NPBWR1: variants seen among roughly 807,000 people sequenced by gnomAD.
NPBWR1 encodes the protein neuropeptides B/W receptor type 1.
A neutral mutation model predicts 2.8 loss-of-function variants in NPBWR1; 4 were observed. That is an observed-to-expected ratio of 1.44 (90% CI 0.71 to 3.29). The LOEUF (loss-of-function observed/expected upper bound fraction) is 3.29. Ranked by LOEUF, NPBWR1 falls within the 30% of genes most tolerant of loss-of-function variation. NPBWR1 has a pLI of 0.01. For missense variants in NPBWR1, 545 were observed against 462.5 expected, an observed-to-expected ratio of 1.18 and a Z score of -1.64; for synonymous variants, 250 against 224.5, an observed-to-expected ratio of 1.11 and a Z score of -1.02.
rs544483225 is a variant in NPBWR1, at chr8:52,942,725, A to G, written c.*1831A>G. On this transcript the variant is annotated 3_prime_UTR_variant, in exon 2 of 2. Transcript: ENST00000674939. ...CTTAGCTCTCAGAGTTTTTAGGAACATTGAAATAATTCATAGCCATCAGTT... is the reference window on the plus strand; with the variant it reads ...CTTAGCTCTCAGAGTTTTTAGGAACGTTGAAATAATTCATAGCCATCAGTT... Among the ~76,000 whole-genome samples, 37 of 152,354 alleles carry G rather than the reference A, an allele frequency of 2.4e-4. 2 individuals are homozygous for G. Among genetic ancestry groups the G allele is most frequent in the Admixed American group, 2.4e-3 (36 of 15,308 alleles).
In NPBWR1 at chr8:52,940,024, T is replaced by C; in HGVS notation, c.117T>C (p.Ala39=). The C allele has an allele frequency of 6.2e-7, 1 of 1,605,994 alleles. No individual in the cohort carries two copies. The highest frequency in any genetic ancestry group is 8.5e-7 in the Non-Finnish European group (1 of 1,179,766). ...LAPLPAPLAV[A]VPVVYAVICA... The stretch of plus-strand genomic sequence containing the variant: ...CGCTGCCGGCGCCGCTGGCGGTGGC[T>C]GTACCAGTTGTCTACGCGGTGATCT... Residue 39 remains alanine, a synonymous_variant, in exon 2 of 2, where the codon GCT becomes GCC. Transcript: ENST00000674939.
In NPBWR1 at chr8:52,941,755, G is replaced by A. The variant is rs1288049871; in HGVS notation, c.*861G>A. 1.3e-5 allele frequency among the ~76,000 whole-genome samples: 2 copies of A among 152,170 alleles called. No homozygotes were observed. Among genetic ancestry groups the A allele is most frequent in the Admixed American group, 1.3e-4 (2 of 15,292 alleles). ...CTCCCGGAGCAAGGAACCCGGAGTA[G>A]CCCGGGCGCGCGGTTCCGGCGCCCC... On this transcript the variant is annotated 3_prime_UTR_variant, in exon 2 of 2. Transcript: ENST00000674939.
Position 52,940,978 on chromosome 8 carries a change from G to T in NPBWR1, c.*84G>T, listed in dbSNP as rs1005703342. The T allele has an allele frequency of 4.8e-6, 7 of 1,460,812 alleles. No homozygotes were observed. The African/African-American group carries it at 9.9e-5, about 21-fold the overall frequency. 90.5% of individuals were successfully genotyped at this position (1,460,812 alleles called of 1,614,324 possible). A position where few individuals can be genotyped will look rare whatever the true frequency, so the allele number is the denominator to read the frequency against. On this transcript the variant is annotated 3_prime_UTR_variant, in exon 2 of 2. Transcript: ENST00000674939. ...GGCGCCAGAGTGCGGGACCAGACAG[G>T]CCGCCTAGGCCTCCTGGGGAAACCG...
chr8:52,943,119 C>A lies in NPBWR1; in HGVS notation c.*2225C>A, dbSNP rs911937097. ...TGTCTGGATTCAGTATCTCATCTGTCTTAATAAGCTCAGTAACTGGACTCA... is the reference window on the plus strand; with the variant it reads ...TGTCTGGATTCAGTATCTCATCTGTATTAATAAGCTCAGTAACTGGACTCA... On this transcript the variant is annotated 3_prime_UTR_variant, in exon 2 of 2. Coordinates refer to ENST00000674939, the MANE Select transcript of NPBWR1 (RefSeq NM_005285.5). Among the ~76,000 whole-genome samples, 1 of 152,182 alleles carries A rather than the reference C, an allele frequency of 6.6e-6. No homozygotes were observed. The highest frequency in any genetic ancestry group is 1.5e-5 in the Non-Finnish European group (1 of 68,044).
Position 52,941,035 on chromosome 8 carries a change from G to T in NPBWR1, c.*141G>T. ...GCCCCATACCCGACCTAGCAGATCG[G>T]AAGCGCTGCGACTGTGCCCGCAGGT... is the stretch of plus-strand genomic sequence containing the variant. On this transcript the variant is annotated 3_prime_UTR_variant, in exon 2 of 2. Transcript: ENST00000674939. 8.6e-7 allele frequency: 1 copy of T among 1,157,972 alleles called. No individual in the cohort carries two copies. The highest frequency in any genetic ancestry group is 1.2e-6 in the Non-Finnish European group (1 of 847,614). 71.7% of individuals were successfully genotyped at this position (1,157,972 alleles called of 1,614,324 possible). A position where few individuals can be genotyped will look rare whatever the true frequency, so the allele number is the denominator to read the frequency against.
rs1369960589 is a variant in NPBWR1, at chr8:52,940,885, G to A, written c.978G>A (p.Ala326=). Reference sequence around the variant, plus strand: ...TCCGCCAGCTGATAACTTGCCGCGCGGCAGCCTGACTCCCCCAGCGTCCGG... The same window carrying A: ...TCCGCCAGCTGATAACTTGCCGCGCAGCAGCCTGACTCCCCCAGCGTCCGG... The part of the protein sequence containing the change: ...RNLRQLITCR[A]AA Residue 326 remains alanine, a synonymous_variant, in exon 2 of 2, where the codon GCG becomes GCA. Transcript: ENST00000674939. 6.2e-7 allele frequency: 1 copy of A among 1,600,456 alleles called. No homozygotes were observed. The highest frequency in any genetic ancestry group is 1.3e-5 in the African/African-American group (1 of 74,806).
In NPBWR1 at chr8:52,939,766, T is replaced by C; in HGVS notation, c.-142T>C. 2 of 982,270 alleles carry C rather than the reference T, an allele frequency of 2.0e-6. No homozygotes were observed. Among genetic ancestry groups the C allele is most frequent in the Non-Finnish European group, 2.9e-6 (2 of 698,028 alleles). 60.8% of individuals were successfully genotyped at this position (982,270 alleles called of 1,614,324 possible). On this transcript the variant is annotated 5_prime_UTR_variant, in exon 2 of 2. Coordinates refer to ENST00000674939, the MANE Select transcript of NPBWR1 (RefSeq NM_005285.5). ...GGGGTGGCTGGGAACGGTCCCCTCC[T>C]CCGGAAAAACCAGAGAACGGCTTGG...
chr8:52,940,457 G>A lies in NPBWR1; in HGVS notation c.550G>A (p.Gly184Ser). 6.3e-7 allele frequency: 1 copy of A among 1,589,160 alleles called. No homozygotes were observed. ...CTTCGCCCGGCTAGACGACGAGCAG[G>A]GCCGGCGCCAGTGCGTGCTAGTCTT... ...AVFARLDDEQ[G>S]RRQCVLVFPQ... The change falls in exon 2 of 2, where the codon GGC becomes AGC. Residue 184 changes from glycine to serine, a missense_variant. Transcript: ENST00000674939.
chr8:52,939,730 C>G lies in NPBWR1; in HGVS notation c.-178C>G. The G allele has an allele frequency of 1.6e-6, 1 of 631,966 alleles. No individual in the cohort carries two copies. The highest frequency in any genetic ancestry group is 2.6e-6 in the Non-Finnish European group (1 of 387,238). 39.1% of individuals were successfully genotyped at this position (631,966 alleles called of 1,614,324 possible). Reference sequence around the variant, plus strand: ...TTCCAGCCCCGTGAGTCCGCGGCGACATTGGGCCGTGGGGTGGCTGGGAAC... The same window carrying G: ...TTCCAGCCCCGTGAGTCCGCGGCGAGATTGGGCCGTGGGGTGGCTGGGAAC... On this transcript the variant is annotated 5_prime_UTR_variant, in exon 2 of 2. Transcript: ENST00000674939.
In NPBWR1 at chr8:52,940,867, G is replaced by A; in HGVS notation, c.960G>A (p.Gln320=). 6 of 1,608,844 alleles carry A rather than the reference G, an allele frequency of 3.7e-6. No individual in the cohort carries two copies. Among genetic ancestry groups the A allele is most frequent in the Non-Finnish European group, 4.2e-6 (5 of 1,176,688 alleles). The change falls in exon 2 of 2, where the codon CAG becomes CAA. Residue 320 remains glutamine, a synonymous_variant. Transcript: ENST00000674939. ...CCAGCTTCCGCAGGAACCTCCGCCA[G>A]CTGATAACTTGCCGCGCGGCAGCCT... The part of the protein sequence containing the change: ...LDASFRRNLR[Q]LITCRAAA
chr8:52,940,009 G>C lies in NPBWR1; in HGVS notation c.102G>C (p.Ala34=). ...SNASTLAPLP[A]PLAVAVPVVY... Reference sequence around the variant, plus strand: ...CGTCGACTCTGGCGCCGCTGCCGGCGCCGCTGGCGGTGGCTGTACCAGTTG... The same window carrying C: ...CGTCGACTCTGGCGCCGCTGCCGGCCCCGCTGGCGGTGGCTGTACCAGTTG... Residue 34 remains alanine (A), a synonymous_variant, in exon 2 of 2, where the codon GCG becomes GCC. Coordinates refer to ENST00000674939, the MANE Select transcript of NPBWR1 (RefSeq NM_005285.5). 1 of 1,604,352 alleles carries C rather than the reference G, an allele frequency of 6.2e-7. No individual in the cohort carries two copies. Among genetic ancestry groups the C allele is most frequent in the Non-Finnish European group, 8.5e-7 (1 of 1,179,590 alleles).
Position 52,942,217 on chromosome 8 carries a change from A to G in NPBWR1, c.*1323A>G, listed in dbSNP as rs571620224. Among the ~76,000 whole-genome samples the G allele has an allele frequency of 2.0e-5, 3 of 152,176 alleles. No homozygotes were observed. The highest frequency in any genetic ancestry group is 4.4e-5 in the Non-Finnish European group (3 of 68,030). On this transcript the variant is annotated 3_prime_UTR_variant, in exon 2 of 2. Transcript: ENST00000674939. ...GTGGATTACCTGGGCTTTATTCCTT[A>G]CTTGTAGACGGCATCCGGTAGGTAG... is the stretch of plus-strand genomic sequence containing the variant.
chr8:52,942,559 G>A lies in NPBWR1; in HGVS notation c.*1665G>A, dbSNP rs1251032347. On this transcript the variant is annotated 3_prime_UTR_variant, in exon 2 of 2. Coordinates refer to ENST00000674939, the MANE Select transcript of NPBWR1 (RefSeq NM_005285.5). Reference sequence around the variant, plus strand: ...GTGAGTGTTGCAGCACATTTTGTTTGCTTAGTTTGGCATCTTCAATCAATT... The same window carrying A: ...GTGAGTGTTGCAGCACATTTTGTTTACTTAGTTTGGCATCTTCAATCAATT... Among the ~76,000 whole-genome samples the A allele has an allele frequency of 6.6e-6, 1 of 152,134 alleles. No individual in the cohort carries two copies. The highest frequency in any genetic ancestry group is 1.5e-5 in the Non-Finnish European group (1 of 68,026).
rs929151798 is a variant in NPBWR1 at position 52,940,307 on chromosome 8, C to G, written c.400C>G (p.Arg134Gly). The change falls in exon 2 of 2, where the codon CGC becomes GGC. Residue 134 changes from arginine to glycine, a missense_variant. Coordinates refer to ENST00000674939, the MANE Select transcript of NPBWR1 (RefSeq NM_005285.5). ...CTTCCTCACCGTCATGAGCGCCGAC[C>G]GCTACCTGGTGGTGTTGGCCACTGC... ...LYFLTVMSAD[R>G]YLVVLATAES... 1 of 1,612,828 alleles carries G rather than the reference C, an allele frequency of 6.2e-7. No homozygotes were observed. Among genetic ancestry groups the G allele is most frequent in the African/African-American group, 1.3e-5 (1 of 75,062 alleles).
chr8:52,940,282 C>A lies in NPBWR1; in HGVS notation c.375C>A (p.Tyr125Ter), dbSNP rs1325458370. 2.5e-6 allele frequency: 4 copies of A among 1,613,374 alleles called. No individual in the cohort carries two copies. Among genetic ancestry groups the A allele is most frequent in the Middle Eastern group, 1.6e-4 (1 of 6,062 alleles). The change falls in exon 2 of 2, where the codon TAC (tyrosine) becomes TAA (stop). Residue 125 changes from tyrosine to a stop codon, truncating the protein, a stop_gained. Transcript: ENST00000674939. LOFTEE classifies it low-confidence loss of function (END_TRUNC). ...IDQYNTFSSL[Y>*]FLTVMSADRY... ...AGTACAACACCTTCTCCAGCCTCTA[C>A]TTCCTCACCGTCATGAGCGCCGACC...
Position 52,941,855 on chromosome 8 carries a change from C to A in NPBWR1, c.*961C>A, listed in dbSNP as rs1470104913. Among the ~76,000 whole-genome samples, 2 of 152,204 alleles carry A rather than the reference C, an allele frequency of 1.3e-5. No individual in the cohort carries two copies. The highest frequency in any genetic ancestry group is 2.9e-5 in the Non-Finnish European group (2 of 68,038). On this transcript the variant is annotated 3_prime_UTR_variant, in exon 2 of 2. Coordinates refer to ENST00000674939, the MANE Select transcript of NPBWR1 (RefSeq NM_005285.5). ...TGTGGTGGAGCACTCCGGCTGAGCG[C>A]GCTTCACAGCGCTGTGGCACACTGG...
Position 52,940,157 on chromosome 8 carries a change from G to C in NPBWR1, c.250G>C (p.Glu84Gln). The C allele has an allele frequency of 6.2e-7, 1 of 1,613,590 alleles. No homozygotes were observed. The highest frequency in any genetic ancestry group is 8.5e-7 in the Non-Finnish European group (1 of 1,179,990). The change falls in exon 2 of 2, where the codon GAG becomes CAG. Residue 84 changes from glutamate to glutamine, a missense_variant. Coordinates refer to ENST00000674939, the MANE Select transcript of NPBWR1 (RefSeq NM_005285.5). ...CATCCTCAACCTGGCCATCGCCGACGAGCTCTTCACGCTGGTGCTGCCCAT... is the reference window on the plus strand; with the variant it reads ...CATCCTCAACCTGGCCATCGCCGACCAGCTCTTCACGCTGGTGCTGCCCAT... ...LFILNLAIAD[E>Q]LFTLVLPINI... is the part of the protein sequence containing the mutation.
chr8:52,940,366 C>T lies in NPBWR1; in HGVS notation c.459C>T (p.Ser153=). The T allele has an allele frequency of 6.2e-7, 1 of 1,605,536 alleles. No individual in the cohort carries two copies. The highest frequency in any genetic ancestry group is 8.5e-7 in the Non-Finnish European group (1 of 1,178,660). The change falls in exon 2 of 2, where the codon AGC becomes AGT. Residue 153 remains serine (S), a synonymous_variant. Coordinates refer to ENST00000674939, the MANE Select transcript of NPBWR1 (RefSeq NM_005285.5). The part of the protein sequence containing the change: ...ESRRVAGRTY[S]AARAVSLAVW... ...GCCGGGTGGCCGGCCGCACCTACAG[C>T]GCCGCGCGCGCGGTGAGCCTGGCCG...
chr8:52,941,772 C>T lies in NPBWR1; in HGVS notation c.*878C>T, dbSNP rs1035705719. 1.3e-5 allele frequency among the ~76,000 whole-genome samples: 2 copies of T among 152,196 alleles called. No homozygotes were observed. Among genetic ancestry groups the T allele is most frequent in the South Asian group, 4.1e-4 (2 of 4,838 alleles). ...CCGGAGTAGCCCGGGCGCGCGGTTC[C>T]GGCGCCCCCTGGAGGAGCCAGCGGC... On this transcript the variant is annotated 3_prime_UTR_variant, in exon 2 of 2. Transcript: ENST00000674939.
Sources: gnomAD v4.1 joint callset for allele counts (sites outside exome capture counted in the v4.1 genomes callset) on GRCh38, gnomAD v4.1.1 for gene constraint, MANE v1.5 for transcripts, NCBI Gene and HGNC (gene_info 2026-07-23, HGNC 2026-07-21) for gene names.